Variants in SAMD4A observed in about 807,000 individuals in gnomAD.
SAMD4A encodes sterile alpha motif domain containing 4A, also known as protein Smaug homolog 1.
In SAMD4A, 33 loss-of-function variants were observed where a neutral mutation model predicts 81.3. The ratio of observed to expected loss-of-function variants is 0.41; its 90% CI spans 0.31 to 0.54. The LOEUF (loss-of-function observed/expected upper bound fraction) is 0.54, where lower values mean the gene tolerates loss of function less well. SAMD4A is among the 20% of genes least tolerant of loss of function. The probability of loss-of-function intolerance (pLI) is 0.37; values close to 1 mark genes in which losing one functional copy is unlikely to be tolerated. For missense variants in SAMD4A, 854 were observed against 951.1 expected (o/e 0.90, Z 1.34); for synonymous variants, 389 against 382.1 (o/e 1.02, Z -0.21).
At chr14:54,736,244 C>T (rs768106240) in intron 3 of SAMD4A, among the ~76,000 whole-genome samples, 2 of 152,178 alleles carry the variant, frequency 1.3e-5, no homozygotes, top group Non-Finnish European at 2.9e-5. Context: ...GCAGATGTTG[C>T]CCACTGTGTA....
At chr14:54,711,348 A>G (rs1042032012) in intron 3 of SAMD4A, among the ~76,000 whole-genome samples, 3 of 152,198 alleles carry the variant, frequency 2.0e-5, no homozygotes, top group East Asian at 1.9e-4. Flanking sequence ...AGATAGTTAC[A>G]TGAATTTATA....
chr14:54,712,617 C>G (rs41419550), intron 3 of SAMD4A, among the ~76,000 whole-genome samples: 15,355 of 152,206 alleles, frequency 0.1, 889 homozygotes, highest in African/African-American at 0.16. Flanking sequence ...TTTTCCTCAT[C>G]ATGCCTAGTG....
At chr14:54,617,602 T>C (rs909770439) in intron 2 of SAMD4A, among the ~76,000 whole-genome samples, 1 of 152,212 alleles carries the variant, frequency 6.6e-6, no homozygotes, top group African/African-American at 2.4e-5. Context: ...TGTACTGATA[T>C]TGCATGCAGT....
chr14:54,769,822 G>C (rs984907143), intron 8 of SAMD4A, among the ~76,000 whole-genome samples: 4 of 152,216 alleles, frequency 2.6e-5, no homozygotes, highest in African/African-American at 9.6e-5. Context: ...GGAGTCAGGA[G>C]GGAGGGGGAA....
intron 3 of SAMD4A, among the ~76,000 whole-genome samples, chr14:54,719,983 C>T (rs1407117856): frequency 2.6e-5 from 4 of 152,164 alleles, no homozygotes; most frequent in Non-Finnish European, 5.9e-5. Flanking sequence ...TTTTCTTCCT[C>T]GCTCTTTAAA....
chr14:54,650,599 C>T (rs2035382842), intron 2 of SAMD4A, among the ~76,000 whole-genome samples: 1 of 152,174 alleles, frequency 6.6e-6, no homozygotes, highest in South Asian at 2.1e-4. Flanking sequence ...CTGGTTTCCC[C>T]AGCCCCCAAC....
At chr14:54,762,234 A>G (rs1227457425) in intron 7 of SAMD4A, among the ~76,000 whole-genome samples, 1 of 152,194 alleles carries the variant, frequency 6.6e-6, no homozygotes, top group Non-Finnish European at 1.5e-5. Context: ...TTTATGCTTA[A>G]TTGGGTGTCT....
At chr14:54,775,571 G>A (rs550667981) in intron 10 of SAMD4A, among the ~76,000 whole-genome samples, 5 of 152,050 alleles carry the variant, frequency 3.3e-5, no homozygotes, top group African/African-American at 1.2e-4. Flanking sequence ...AGTGTGCCAG[G>A]GGGAGAGTTA....
chr14:54,566,183 C>A, upstream of SAMD4A, among the ~76,000 whole-genome samples: 1 of 151,558 alleles, frequency 6.6e-6, no homozygotes, highest in Non-Finnish European at 1.5e-5. Context: ...ACCGCACTCT[C>A]CCCGCGCCGC....
intron 2 of SAMD4A, among the ~76,000 whole-genome samples, chr14:54,676,131 G>A (rs1032272546): frequency 2.6e-5 from 4 of 152,140 alleles, no homozygotes; most frequent in Admixed American, 1.3e-4. Flanking sequence ...CTGTACAAAG[G>A]AGCCCCTGAA....
Position 54,776,524 on chromosome 14 carries a change from G to C in SAMD4A, c.2028G>C (p.Leu676=). Residue 676 remains leucine, a synonymous_variant, in exon 11 of 13, where the codon CTG becomes CTC. Transcript: ENST00000554335. ...TGCACACTTCCCCACAGAACATGCT[G>C]ATGTTCCAGCAGCCAGGTAGGGCCC... The part of the protein sequence containing the change: ...LPVHTSPQNM[L]MFQQPEFQLP... 1 of 1,572,540 alleles carries C rather than the reference G, an allele frequency of 6.4e-7. No individual in the cohort carries two copies. Among genetic ancestry groups the C allele is most frequent in the South Asian group, 1.2e-5 (1 of 85,290 alleles).
intron 9 of SAMD4A, among the ~76,000 whole-genome samples, chr14:54,774,028 T>C (rs2038772460): frequency 6.6e-6 from 1 of 152,240 alleles, no homozygotes; most frequent in African/African-American, 2.4e-5. Flanking sequence ...GTTGTGACCC[T>C]GACTCTGCTG....
intron 6 of SAMD4A, among the ~76,000 whole-genome samples, chr14:54,756,736 A>T (rs1304398322): frequency 3.3e-5 from 5 of 152,070 alleles, no homozygotes; most frequent in African/African-American, 1.2e-4. Context: ...GCTGCTCAAG[A>T]CTCTCTTTTC....
chr14:54,680,717 A>C (rs1440395399), intron 2 of SAMD4A, among the ~76,000 whole-genome samples: 1 of 152,198 alleles, frequency 6.6e-6, no homozygotes, highest in African/African-American at 2.4e-5. Flanking sequence ...TTATATTTTT[A>C]CTGTATTTTC....
chr14:54,607,052 G>C (rs1028530020), intron 2 of SAMD4A, among the ~76,000 whole-genome samples: 6 of 152,194 alleles, frequency 3.9e-5, no homozygotes, highest in Admixed American at 6.5e-5. Context: ...GGCCGAACGT[G>C]GCATAAAGGA....
At chr14:54,711,595 G>A (rs935021129) in intron 3 of SAMD4A, among the ~76,000 whole-genome samples, 8 of 152,044 alleles carry the variant, frequency 5.3e-5, no homozygotes, top group South Asian at 2.1e-4. Context: ...CTATAATTAC[G>A]TCAAAATTAA....
intron 2 of SAMD4A, among the ~76,000 whole-genome samples, chr14:54,695,400 C>G (rs1190070509): frequency 6.6e-6 from 1 of 152,204 alleles, no homozygotes; most frequent in Admixed American, 6.5e-5. Flanking sequence ...TGAACTCCTC[C>G]CCATACAGGT....
intron 3 of SAMD4A, among the ~76,000 whole-genome samples, chr14:54,720,763 C>T (rs2037240590): frequency 6.6e-6 from 1 of 152,070 alleles, no homozygotes; most frequent in African/African-American, 2.4e-5. Context: ...CTATGAATGG[C>T]TTAGCACCAG....
At chr14:54,613,752 C>T (rs772455273) in intron 2 of SAMD4A, among the ~76,000 whole-genome samples, 1 of 152,206 alleles carries the variant, frequency 6.6e-6, no homozygotes, top group Non-Finnish European at 1.5e-5. Flanking sequence ...CATCATAAGA[C>T]AATTTGTATC....
Sources: gnomAD v4.1 joint callset for allele counts (sites outside exome capture counted in the v4.1 genomes callset) on GRCh38, gnomAD v4.1.1 for gene constraint, MANE v1.5 for transcripts, NCBI Gene and HGNC (gene_info 2026-07-23, HGNC 2026-07-21) for gene names.